The following SLC35F4 variants were observed in gnomAD, a reference collection of about 807,000 sequenced individuals.
SLC35F4 encodes the protein chromosome 14 open reading frame 36.
In SLC35F4, 24 loss-of-function variants were observed where a neutral mutation model predicts 44.2. The observed-to-expected ratio is 0.54, with a 90% CI of 0.39 to 0.76. The LOEUF is 0.76. SLC35F4 is among the 30% of genes least tolerant of loss of function. The probability of loss-of-function intolerance (pLI) is 0.00; values close to 1 mark genes in which losing one functional copy is unlikely to be tolerated. For missense variants in SLC35F4, 562 were observed against 586.1 expected, an observed-to-expected ratio of 0.96 and a Z score of 0.42; for synonymous variants, 238 against 223.6, an observed-to-expected ratio of 1.06 and a Z score of -0.57.
chr14:57,596,705 G>T, intron 1 of SLC35F4: 2 of 1,117,152 alleles, frequency 1.8e-6, no homozygotes, highest in Non-Finnish European at 1.3e-6. Context: ...TTGGTAACTT[G>T]TGTGTAGCGA....
chr14:57,581,215 C>T lies in SLC35F4; in HGVS notation c.806G>A (p.Arg269Lys). ...IVLKDRFMGV[R>K]IVAAIMAITG... ...GCATTGAATCAAGTATGCCATTACC[C>T]TCACTCCCATGAACCTGTCTTTCAG... The change falls in exon 4 of 8, where the codon AGG becomes AAG. Residue 269 changes from arginine (R) to lysine (K), a missense_variant and splice_region_variant. Coordinates refer to ENST00000556826, the MANE Select transcript of SLC35F4 (RefSeq NM_001306087.2). 1 of 1,554,320 alleles carries T rather than the reference C, an allele frequency of 6.4e-7. No homozygotes were observed. The highest frequency in any genetic ancestry group is 8.7e-7 in the Non-Finnish European group (1 of 1,152,566).
intron 1 of SLC35F4, among the ~76,000 whole-genome samples, chr14:57,675,707 A>G (rs1846213183): frequency 6.6e-6 from 1 of 151,934 alleles, no homozygotes; most frequent in Non-Finnish European, 1.5e-5. Flanking sequence ...TGTTTTGTTG[A>G]GGGTTTTTAT....
At chr14:57,978,947 G>A (rs969783253) in intron 1 of SLC35F4, among the ~76,000 whole-genome samples, 1 of 152,210 alleles carries the variant, frequency 6.6e-6, no homozygotes, top group Non-Finnish European at 1.5e-5. Context: ...GAGCAAGGTT[G>A]CTACCATACA....
At chr14:57,659,545 C>T (rs942542468) in intron 1 of SLC35F4, among the ~76,000 whole-genome samples, 3 of 152,100 alleles carry the variant, frequency 2.0e-5, no homozygotes, top group Admixed American at 6.5e-5. Context: ...TATTAGCATT[C>T]CCACTTTATA....
intron 1 of SLC35F4, among the ~76,000 whole-genome samples, chr14:57,900,156 A>G (rs887486615): frequency 3.9e-5 from 6 of 152,250 alleles, no homozygotes; most frequent in Admixed American, 3.3e-4. Context: ...TGTTTGGTGC[A>G]TTTTACAATC....
intron 1 of SLC35F4, among the ~76,000 whole-genome samples, chr14:57,911,358 G>A (rs1889213213): frequency 6.6e-6 from 1 of 151,934 alleles, no homozygotes; most frequent in Non-Finnish European, 1.5e-5. Context: ...TCTTCACCTT[G>A]TTCCTCATCT....
intron 1 of SLC35F4, among the ~76,000 whole-genome samples, chr14:57,727,618 T>G (rs1331447745): frequency 2.0e-5 from 3 of 152,234 alleles, no homozygotes; most frequent in Non-Finnish European, 2.9e-5. Flanking sequence ...CAACACAATT[T>G]CCAATTTCTT....
chr14:57,763,293 T>C (rs1209058564), intron 1 of SLC35F4, among the ~76,000 whole-genome samples: 2 of 152,210 alleles, frequency 1.3e-5, no homozygotes, highest in Non-Finnish European at 2.9e-5. Flanking sequence ...CAAGTTTCTC[T>C]AGCTTATTTG....
upstream of SLC35F4, among the ~76,000 whole-genome samples, chr14:57,866,448 T>C (rs1033416603): frequency 6.6e-6 from 1 of 152,158 alleles, no homozygotes; most frequent in Non-Finnish European, 1.5e-5. Context: ...TTCCCCCGCG[T>C]TAGTCAGTCC....
At chr14:57,630,785 T>A in intron 1 of SLC35F4, 1 of 532,244 alleles carries the variant, frequency 1.9e-6, no homozygotes, top group East Asian at 5.6e-5. Context: ...CAATGATGAT[T>A]AAAAAGACAC....
At chr14:57,930,392 A>G (rs189157562) in intron 1 of SLC35F4, among the ~76,000 whole-genome samples, 113 of 152,254 alleles carry the variant, frequency 7.4e-4, no homozygotes, top group African/African-American at 2.6e-3. Context: ...ACAGTGTTCC[A>G]TTAACCTCTT....
chr14:57,780,042 C>G (rs1388722988), intron 1 of SLC35F4, among the ~76,000 whole-genome samples: 1 of 152,166 alleles, frequency 6.6e-6, no homozygotes, highest in African/African-American at 2.4e-5. Context: ...GATGCCCTCT[C>G]TCACTACTCC....
intron 1 of SLC35F4, among the ~76,000 whole-genome samples, chr14:57,829,065 C>G (rs555656304): frequency 2.6e-5 from 4 of 152,130 alleles, no homozygotes; most frequent in Non-Finnish European, 5.9e-5. Context: ...AATATTTGGG[C>G]CTGCCTTTAA....
chr14:57,892,711 A>G (rs1888795622), intron 1 of SLC35F4, among the ~76,000 whole-genome samples: 1 of 152,216 alleles, frequency 6.6e-6, no homozygotes, highest in Non-Finnish European at 1.5e-5. Context: ...CCTTAATATT[A>G]GAGGTAAAAT....
At chr14:57,912,352 G>C (rs1414991747) in intron 1 of SLC35F4, among the ~76,000 whole-genome samples, 5 of 151,360 alleles carry the variant, frequency 3.3e-5, no homozygotes, top group African/African-American at 1.2e-4. Flanking sequence ...GTAGATTATT[G>C]ACTTTTATAT....
intron 1 of SLC35F4, among the ~76,000 whole-genome samples, chr14:57,762,448 C>A (rs2077146714): frequency 6.6e-6 from 1 of 152,098 alleles, no homozygotes; most frequent in Admixed American, 6.6e-5. Flanking sequence ...ATTCACCTTG[C>A]TACTTGCTAT....
chr14:57,907,689 T>G (rs1185489746), intron 1 of SLC35F4, among the ~76,000 whole-genome samples: 1 of 151,594 alleles, frequency 6.6e-6, no homozygotes, highest in East Asian at 2.0e-4. Flanking sequence ...TAGTGTTTGC[T>G]TGCCTATTCA....
At chr14:57,962,133 G>A (rs1305268134) in intron 1 of SLC35F4, among the ~76,000 whole-genome samples, 1 of 152,190 alleles carries the variant, frequency 6.6e-6, no homozygotes, top group Non-Finnish European at 1.5e-5. Context: ...CTAGATAACT[G>A]TATTTTTACT....
At chr14:57,776,373 GA>G (rs1312257008) in intron 1 of SLC35F4, among the ~76,000 whole-genome samples, 1 of 151,944 alleles carries the variant, frequency 6.6e-6, no homozygotes, top group Non-Finnish European at 1.5e-5. Context: ...CAAAATGAAA[GA>G]AAAAAACATT....
Sources: allele counts gnomAD v4.1 joint callset (sites outside exome capture counted in the v4.1 genomes callset), GRCh38; gene constraint gnomAD v4.1.1; transcripts MANE v1.5; gene names NCBI Gene and HGNC (gene_info 2026-07-23, HGNC 2026-07-21).